A3GALT2: variants seen among roughly 807,000 people sequenced by gnomAD.
A3GALT2 encodes the protein alpha-1,3-galactosyltransferase 2.
In A3GALT2, 14 loss-of-function variants were observed where a neutral mutation model predicts 16.6. The observed-to-expected ratio is 0.84, with a 90% CI of 0.56 to 1.32. The LOEUF (loss-of-function observed/expected upper bound fraction) is 1.32. Among genes scored for constraint, A3GALT2 ranks in the 40% most tolerant of loss-of-function variants. The pLI is 0.00. For missense variants in A3GALT2, 600 were observed against 490.9 expected (o/e 1.22, Z -2.10); for synonymous variants, 253 against 218.0 (o/e 1.16, Z -1.42).
intron 4 of A3GALT2, among the ~76,000 whole-genome samples, chr1:33,310,336 G>A (rs981412756): frequency 2.7e-5 from 4 of 148,668 alleles, no homozygotes; most frequent in South Asian, 2.1e-4. Flanking sequence ...GAGGGAGACC[G>A]GGGAGAGGGA....
At chr1:33,315,110 C>T (rs1646255571) in intron 1 of A3GALT2, among the ~76,000 whole-genome samples, 1 of 152,008 alleles carries the variant, frequency 6.6e-6, no homozygotes. Flanking sequence ...CGGGGCTGGG[C>T]GTGGTGGCTC....
At position 33,320,911 on chromosome 1, in the gene A3GALT2, A is replaced by G. The variant is rs1646282960; in HGVS notation, c.23+165T>C. Among the ~76,000 whole-genome samples the G allele has an allele frequency of 2.6e-5, 4 of 151,846 alleles. No individual in the cohort carries two copies. Among genetic ancestry groups the G allele is most frequent in the Admixed American group, 2.0e-4 (3 of 15,090 alleles). On this transcript the variant is annotated intron_variant, in intron 1 of 4. Transcript: ENST00000442999. This position sits in a 1 kb window ranked among gnomAD's most constrained non-coding sequence, Gnocchi z 4.3. ...GGATTGTCTTTCTTCTCCTGGGGCAATGTCCCCTCTCGGAGCCACCTTTCC... is the reference window on the plus strand; with the variant it reads ...GGATTGTCTTTCTTCTCCTGGGGCAGTGTCCCCTCTCGGAGCCACCTTTCC...
At chr1:33,311,995 A>G (rs371603765) in intron 4 of A3GALT2, 57 bp downstream of exon 4, 1 of 1,606,074 alleles carries the variant, frequency 6.2e-7, no homozygotes. Flanking sequence ...CCTTCATCAC[A>G]TGCACACCCC....
chr1:33,316,722 A>T (rs561715227), intron 1 of A3GALT2, among the ~76,000 whole-genome samples: 9 of 152,282 alleles, frequency 5.9e-5, no homozygotes, highest in African/African-American at 2.2e-4. Context: ...AAAGGAGAAG[A>T]TGCCTGGTTG....
Position 33,312,508 on chromosome 1 carries a change from G to T in A3GALT2, c.190C>A (p.Arg64Ser). 3 of 1,593,726 alleles carry T rather than the reference G, an allele frequency of 1.9e-6. No homozygotes were observed. Among genetic ancestry groups the T allele is most frequent in the South Asian group, 1.1e-5 (1 of 88,358 alleles). Residue 64 changes from arginine (R) to serine (S), a missense_variant, in exon 3 of 5, where the codon CGT becomes AGT. Transcript: ENST00000442999. ...QLRDNFTGAL[R>S]PWARPEVLTC... The stretch of plus-strand genomic sequence containing the variant: ...GGGATGGGAGCTTCTTACCAGGGAC[G>T]CAGGGCACCTGTGAAGTTGTCTCTC...
At chr1:33,312,002 C>T (rs1218106343) in intron 4 of A3GALT2, 50 bp downstream of exon 4, 1 of 1,609,212 alleles carries the variant, frequency 6.2e-7, no homozygotes, top group South Asian at 1.1e-5. Context: ...CACATGCACA[C>T]CCCTCCCACT....
At chr1:33,316,781 A>G (rs1203706108) in intron 1 of A3GALT2, among the ~76,000 whole-genome samples, 1 of 152,124 alleles carries the variant, frequency 6.6e-6, no homozygotes, top group Non-Finnish European at 1.5e-5. Flanking sequence ...CAGGCTCAGG[A>G]GAAAGTTCTG....
Position 33,306,945 on chromosome 1 carries a change from GCGCGCGGTCCCAGTCCAGGCCCCC to G in A3GALT2, c.820_843del (p.Gly274_Ala281del). On this transcript the variant is annotated inframe_deletion, in exon 5 of 5. Coordinates refer to ENST00000442999, the MANE Select transcript of A3GALT2 (RefSeq NM_001080438.1). ...TCGTGCCAGCGCGCCTCCAGGCCGC[GCGCGCGGTCCCAGTCCAGGCCCCC>G]CGCACAGTGCGCCGTCAGCCCGCGC... 1 of 1,509,532 alleles carries G rather than the reference GCGCGCGGTCCCAGTCCAGGCCCCC, an allele frequency of 6.6e-7. No individual in the cohort carries two copies. The highest frequency in any genetic ancestry group is 8.8e-7 in the Non-Finnish European group (1 of 1,135,472). The allele number at this position is 1,509,532 out of a possible 1,614,324, so 93.5% of individuals were successfully genotyped here. A position where few individuals can be genotyped will look rare whatever the true frequency, so the allele number is the denominator to read the frequency against.
rs56655319 is a variant in A3GALT2, at chr1:33,308,750, GTTTTTTTTTTTTTT to G, written c.336-1311_336-1298del. 1.0e-3 allele frequency among the ~76,000 whole-genome samples: 47 copies of G among 46,130 alleles called. 1 individual carries two copies. The highest frequency in any genetic ancestry group is 4.8e-3 in the African/African-American group (39 of 8,200). 30.3% of individuals were successfully genotyped at this position (46,130 alleles called of 152,430 possible). The stretch of plus-strand genomic sequence containing the variant: ...ATTATTTTTTTGTCATGTCAAAGTT[GTTTTTTTTTTTTTT>G]TTTTTTTTTTTTTTTTAGTATTTAT... On this transcript the variant is annotated intron_variant, in intron 4 of 4. Coordinates refer to ENST00000442999, the MANE Select transcript of A3GALT2 (RefSeq NM_001080438.1).
rs1646278356 is a variant in A3GALT2 at position 33,320,003 on chromosome 1, C to T, written c.23+1073G>A. Among the ~76,000 whole-genome samples the T allele has an allele frequency of 6.6e-6, 1 of 152,024 alleles. No individual in the cohort carries two copies. Among genetic ancestry groups the T allele is most frequent in the African/African-American group, 2.4e-5 (1 of 41,440 alleles). On this transcript the variant is annotated intron_variant, in intron 1 of 4. Transcript: ENST00000442999. This position sits in a 1 kb window ranked among gnomAD's most constrained non-coding sequence, Gnocchi z 4.3. ...GAGTAGGACTGCCCGATCCCCCAGCCAGAGCTTCCAGCATGGCATTTGGGT... is the reference window on the plus strand; with the variant it reads ...GAGTAGGACTGCCCGATCCCCCAGCTAGAGCTTCCAGCATGGCATTTGGGT...
chr1:33,312,199 G>A lies in A3GALT2; in HGVS notation c.198-10C>T, dbSNP rs762225641. 6.2e-7 allele frequency: 1 copy of A among 1,612,648 alleles called. No homozygotes were observed. Among genetic ancestry groups the A allele is most frequent in the South Asian group, 1.1e-5 (1 of 90,980 alleles). ...AACTTCAGGCCGGGCCCTGGCCAGG[G>A]CAGGGATGGGAAATGGAAATAGCTC... is the stretch of plus-strand genomic sequence containing the variant. On this transcript the variant is annotated splice_polypyrimidine_tract_variant and intron_variant, in intron 3 of 4. Coordinates refer to ENST00000442999, the MANE Select transcript of A3GALT2 (RefSeq NM_001080438.1).
chr1:33,317,971 A>G (rs1350695839), intron 1 of A3GALT2, among the ~76,000 whole-genome samples: 4 of 152,204 alleles, frequency 2.6e-5, no homozygotes, highest in Admixed American at 6.5e-5. Flanking sequence ...TATAATAGAA[A>G]TCAACATGGC....
chr1:33,307,497 G>A, intron 4 of A3GALT2, 44 bp from the exon 5 acceptor site: 2 of 1,409,732 alleles, frequency 1.4e-6, no homozygotes, highest in East Asian at 2.8e-5. Flanking sequence ...GAAGCGAGGC[G>A]GGCCCGGCCT....
At chr1:33,319,765 T>C (rs1325190244) in intron 1 of A3GALT2, among the ~76,000 whole-genome samples, 2 of 152,166 alleles carry the variant, frequency 1.3e-5, no homozygotes, top group African/African-American at 4.8e-5. Flanking sequence ...ATTCCCTGCC[T>C]CCTGGGGCAC....
chr1:33,308,303 C>T (rs1194311261), intron 4 of A3GALT2, among the ~76,000 whole-genome samples: 2 of 151,730 alleles, frequency 1.3e-5, no homozygotes, highest in Non-Finnish European at 2.9e-5. Flanking sequence ...CCTAAGCTGG[C>T]CCCCACCAGT....
In A3GALT2 at chr1:33,306,842, T is replaced by C. The variant is rs1646194647; in HGVS notation, c.947A>G (p.Asp316Gly). 3 of 1,504,354 alleles carry C rather than the reference T, an allele frequency of 2.0e-6. No individual in the cohort carries two copies. The East Asian group carries it at 8.4e-5, about 42-fold the overall frequency. The allele number at this position is 1,504,354 out of a possible 1,614,324, so 93.2% of individuals were successfully genotyped here. ...VLSPEFCWSP[D>G]IGPRAEIRRP... is the part of the protein sequence containing the mutation. ...GCGGATCTCGGCCCGCGGGCCGATG[T>C]CCGGGCTCCAGCAGAACTCGGGCGA... The change falls in exon 5 of 5, where the codon GAC (aspartate) becomes GGC (glycine). Residue 316 changes from aspartate to glycine, a missense_variant. Physicochemically the swap from Asp to Gly is moderately conservative, Grantham distance 94 (BLOSUM62 -1). Transcript: ENST00000442999.
Position 33,307,297 on chromosome 1 carries a change from C to A in A3GALT2, c.492G>T (p.Ala164=). The change falls in exon 5 of 5, where the codon GCG becomes GCT. Residue 164 remains alanine (A), a synonymous_variant. Transcript: ENST00000442999. ...ACACGTCTTGCCAGCGCCGCTCGCG[C>A]GCCACGCGCTCCACGGGCAGCCGGC... ...PGRRLPVERV[A]RERRWQDVSM... 1.4e-6 allele frequency: 2 copies of A among 1,463,734 alleles called. No homozygotes were observed. The highest frequency in any genetic ancestry group is 1.8e-6 in the Non-Finnish European group (2 of 1,118,332). The allele number at this position is 1,463,734 out of a possible 1,614,324, so 90.7% of individuals were successfully genotyped here. A position where few individuals can be genotyped will look rare whatever the true frequency, so the allele number is the denominator to read the frequency against.
intron 1 of A3GALT2, among the ~76,000 whole-genome samples, chr1:33,317,967 A>G (rs6679252): frequency 0.53 from 79,947 of 152,030 alleles, 22,771 homozygotes; most frequent in African/African-American, 0.76. Context: ...CTTGTATAAT[A>G]GAAATCAACA....
In A3GALT2 at chr1:33,306,847, G is replaced by T. The variant is rs777814427; in HGVS notation, c.942C>A (p.Ser314Arg). 35 of 1,507,900 alleles carry T rather than the reference G, an allele frequency of 2.3e-5. No homozygotes were observed. The Middle Eastern group carries it at 8.5e-4, about 37-fold the overall frequency. 93.4% of individuals were successfully genotyped at this position (1,507,900 alleles called of 1,614,324 possible). The change falls in exon 5 of 5, where the codon AGC becomes AGA. Residue 314 changes from serine (S) to arginine (R), a missense_variant. By Grantham distance (110) the Ser-to-Arg change is moderately radical. Coordinates refer to ENST00000442999, the MANE Select transcript of A3GALT2 (RefSeq NM_001080438.1). ...TCTCGGCCCGCGGGCCGATGTCCGGGCTCCAGCAGAACTCGGGCGACAGCA... is the reference window on the plus strand; with the variant it reads ...TCTCGGCCCGCGGGCCGATGTCCGGTCTCCAGCAGAACTCGGGCGACAGCA... The part of the protein sequence containing the change: ...AKVLSPEFCW[S>R]PDIGPRAEIR...
Sources: allele counts gnomAD v4.1 joint callset (sites outside exome capture counted in the v4.1 genomes callset), GRCh38; gene constraint gnomAD v4.1.1; non-coding constraint Gnocchi (gnomAD v3.1); transcripts MANE v1.5; gene names NCBI Gene and HGNC (gene_info 2026-07-23, HGNC 2026-07-21).